EIF4G3: variants seen among roughly 807,000 people sequenced by gnomAD.
EIF4G3 encodes the protein eIF-4-gamma 3.
A neutral mutation model predicts 186.4 loss-of-function variants in EIF4G3; 34 were observed. The ratio of observed to expected loss-of-function variants is 0.18; its 90% CI spans 0.14 to 0.24. The LOEUF is 0.24. Among genes scored for constraint, EIF4G3 ranks in the 10% least tolerant of loss-of-function variants. The probability of loss-of-function intolerance (pLI) is 1.00; values close to 1 mark genes in which losing one functional copy is unlikely to be tolerated. For missense variants in EIF4G3, 1,536 were observed against 1,948.5 expected, an observed-to-expected ratio of 0.79 and a Z score of 3.99; for synonymous variants, 673 against 679.5, an observed-to-expected ratio of 0.99 and a Z score of 0.15.
At chr1:21,093,262 C>A (rs998049276) in intron 2 of EIF4G3, among the ~76,000 whole-genome samples, 58 of 152,218 alleles carry the variant, frequency 3.8e-4, no homozygotes, top group African/African-American at 1.3e-3. Flanking sequence ...AAGAAAAAAA[C>A]AAACAACCCC....
chr1:21,052,327 T>C (rs1334097188), intron 3 of EIF4G3, among the ~76,000 whole-genome samples: 1 of 152,196 alleles, frequency 6.6e-6, no homozygotes, highest in Non-Finnish European at 1.5e-5. Context: ...TCATGAATTA[T>C]GGGCAGTTCT....
intron 2 of EIF4G3, among the ~76,000 whole-genome samples, chr1:21,134,866 T>C (rs755817155): frequency 6.6e-6 from 1 of 151,444 alleles, no homozygotes; most frequent in African/African-American, 2.5e-5. Flanking sequence ...TATATAGTAC[T>C]ATGCAGTGTT....
chr1:21,113,699 AC>A (rs2096767846), intron 2 of EIF4G3, among the ~76,000 whole-genome samples: 1 of 152,150 alleles, frequency 6.6e-6, no homozygotes, highest in African/African-American at 2.4e-5. Context: ...CTTCCTTGAC[AC>A]ATTTCATTGT....
At chr1:20,864,413 T>C (rs1484319747) in intron 22 of EIF4G3, 63 bp downstream of exon 22, 9 of 1,176,874 alleles carry the variant, frequency 7.6e-6, no homozygotes, top group South Asian at 1.3e-5. Flanking sequence ...CTGTTGACAG[T>C]CTAAGTTCTT....
chr1:20,823,659 G>A (rs2062934981), intron 33 of EIF4G3, among the ~76,000 whole-genome samples: 1 of 152,134 alleles, frequency 6.6e-6, no homozygotes, highest in South Asian at 2.1e-4. Context: ...ATAGGCATGA[G>A]CCACTGCACC....
At chr1:20,941,202 A>C in intron 14 of EIF4G3, 1 of 1,505,200 alleles carries the variant, frequency 6.6e-7, no homozygotes, top group Non-Finnish European at 8.9e-7. Flanking sequence ...AATTCATATG[A>C]ATGAGGCAAT....
chr1:21,030,941 T>A (rs963042379), intron 4 of EIF4G3, among the ~76,000 whole-genome samples: 4 of 151,974 alleles, frequency 2.6e-5, no homozygotes, highest in African/African-American at 9.7e-5. Flanking sequence ...ATCCCAGCAA[T>A]TTGGGAGGCT....
intron 19 of EIF4G3, among the ~76,000 whole-genome samples, chr1:20,882,176 TAC>T (rs138208807): frequency 0.073 from 6,323 of 86,890 alleles, 213 homozygotes; most frequent in African/African-American, 0.13. Context: ...AAAGAAAAAT[TAC>T]ACACACACAC....
chr1:20,978,569 CA>C (rs1229998877), intron 10 of EIF4G3, among the ~76,000 whole-genome samples: 1 of 151,650 alleles, frequency 6.6e-6, no homozygotes, highest in East Asian at 1.9e-4. Flanking sequence ...TAAAATCTTG[CA>C]CTGTCCTGCT....
intron 4 of EIF4G3, among the ~76,000 whole-genome samples, chr1:21,011,188 A>G (rs2086938114): frequency 6.6e-6 from 1 of 151,110 alleles, no homozygotes; most frequent in Non-Finnish European, 1.5e-5. Context: ...CTAAGCCTTC[A>G]CGACAAATTA....
rs113571933 is a variant in EIF4G3 at position 20,873,488 on chromosome 1, C to T, written c.2622+5835G>A. 4.4e-3 allele frequency among the ~76,000 whole-genome samples: 667 copies of T among 152,268 alleles called. 1 individual carries two copies. The highest frequency in any genetic ancestry group is 0.015 in the African/African-American group (628 of 41,534). ...GTATGCGAGAGTTCTTGTTGTTTCA[C>T]GTTTGTAAATATCTGGTACATTTAG... is the stretch of plus-strand genomic sequence containing the variant. On this transcript the variant is annotated intron_variant, in intron 20 of 36. Transcript: ENST00000602326.
intron 15 of EIF4G3, among the ~76,000 whole-genome samples, chr1:20,902,901 A>G (rs112118927): frequency 1.1e-3 from 168 of 152,342 alleles, no homozygotes; most frequent in African/African-American, 3.9e-3. Flanking sequence ...TCAGCCTACC[A>G]AAGTGCTAGA....
chr1:21,105,205 C>A (rs1167369636), intron 2 of EIF4G3, among the ~76,000 whole-genome samples: 4 of 152,118 alleles, frequency 2.6e-5, no homozygotes, highest in African/African-American at 9.7e-5. Flanking sequence ...GGCAGATCAT[C>A]TGAGGTCAGG....
chr1:20,831,553 T>A (rs938786259), intron 30 of EIF4G3, among the ~76,000 whole-genome samples: 20 of 151,674 alleles, frequency 1.3e-4, no homozygotes, highest in Non-Finnish European at 2.6e-4. Flanking sequence ...TTTTTTTTTT[T>A]ATGTTACCAG....
intron 2 of EIF4G3, among the ~76,000 whole-genome samples, chr1:21,157,353 T>C (rs1024554058): frequency 6.6e-6 from 1 of 152,062 alleles, no homozygotes; most frequent in Admixed American, 6.6e-5. Flanking sequence ...GTACTGTTTT[T>C]TTCTTGTAGT....
intron 7 of EIF4G3, among the ~76,000 whole-genome samples, chr1:20,983,444 A>G (rs1323860546): frequency 1.3e-5 from 2 of 152,220 alleles, no homozygotes; most frequent in Non-Finnish European, 2.9e-5. Flanking sequence ...AAGGAACAAT[A>G]AAGCAGTAAA....
At chr1:21,136,770 G>A (rs149294030) in intron 2 of EIF4G3, among the ~76,000 whole-genome samples, 26 of 152,192 alleles carry the variant, frequency 1.7e-4, no homozygotes, top group Middle Eastern at 3.4e-3. Flanking sequence ...TGCTCATTCT[G>A]ATTCTTTCTG....
At chr1:21,029,299 C>CATGA (rs1186085170) in intron 4 of EIF4G3, among the ~76,000 whole-genome samples, 1 of 152,066 alleles carries the variant, frequency 6.6e-6, no homozygotes, top group Non-Finnish European at 1.5e-5. Flanking sequence ...GAATTACAGG[C>CATGA]ATGAGCCACC....
intron 12 of EIF4G3, among the ~76,000 whole-genome samples, chr1:20,968,928 A>T (rs1312652085): frequency 1.3e-5 from 2 of 152,174 alleles, no homozygotes; most frequent in African/African-American, 4.8e-5. Context: ...TCCCCTGTAG[A>T]TACCAAGGGA....
Sources: allele counts gnomAD v4.1 joint callset (sites outside exome capture counted in the v4.1 genomes callset), GRCh38; gene constraint gnomAD v4.1.1; transcripts MANE v1.5; gene names NCBI Gene and HGNC (gene_info 2026-07-23, HGNC 2026-07-21).